CDC42BPA: variants seen among roughly 807,000 people sequenced by gnomAD.
The protein encoded by CDC42BPA is CDC42 binding protein kinase alpha.
CDC42BPA carries 80 observed loss-of-function variants against 223.5 expected under a neutral mutation model. That is an observed-to-expected ratio of 0.36 (90% CI 0.30 to 0.43). The LOEUF (loss-of-function observed/expected upper bound fraction) is 0.43. Among genes scored for constraint, CDC42BPA ranks in the 20% least tolerant of loss-of-function variants. The pLI is 1.00. For missense variants in CDC42BPA, 1,743 were observed against 2,099.9 expected, an observed-to-expected ratio of 0.83 and a Z score of 3.32; for synonymous variants, 694 against 718.6, an observed-to-expected ratio of 0.97 and a Z score of 0.55.
intron 34 of CDC42BPA, among the ~76,000 whole-genome samples, chr1:227,006,916 GCGTGCACTCACTC>G (rs1239115983): frequency 4.6e-5 from 3 of 65,594 alleles, no homozygotes; most frequent in South Asian, 2.9e-4. Flanking sequence ...TCCGGCCTGG[GCGTGCACTCACTC>G]TGCAGAGTGA....
intron 23 of CDC42BPA, among the ~76,000 whole-genome samples, chr1:227,043,076 C>T (rs1671719161): frequency 1.3e-5 from 2 of 152,144 alleles, no homozygotes; most frequent in African/African-American, 4.8e-5. Context: ...GTATCTCACA[C>T]AACCCTTTCT....
At chr1:227,050,911 C>A (rs541074259) in intron 22 of CDC42BPA, among the ~76,000 whole-genome samples, 133 of 152,074 alleles carry the variant, frequency 8.7e-4, no homozygotes, top group Non-Finnish European at 1.4e-3. Flanking sequence ...GCAAAATTTT[C>A]GTATCTGTTT....
At chr1:227,075,276 G>A (rs1679224443) in intron 17 of CDC42BPA, among the ~76,000 whole-genome samples, 1 of 152,180 alleles carries the variant, frequency 6.6e-6, no homozygotes, top group South Asian at 2.1e-4. Context: ...CCAGGTCACT[G>A]AAGCTATGAG....
In CDC42BPA at chr1:227,017,009, G is replaced by A. The variant is rs776653752; in HGVS notation, c.4657C>T (p.Arg1553Trp). The change falls in exon 33 of 37, where the codon CGG (arginine) becomes TGG (tryptophan). Residue 1553 changes from arginine (R) to tryptophan (W), a missense_variant. Arg to Trp is a moderately radical substitution (Grantham distance 101). Around this residue, in one of 6 missense-constraint regions of CDC42BPA, gnomAD observed 44 missense variants for 81.0 expected, o/e 0.54. Coordinates refer to ENST00000366766, the MANE Select transcript of CDC42BPA (RefSeq NM_001394014.1). ...LVVPETSDNS[R>W]KQMVRNINNK... ...TTAATGTTTCTAACCATTTGTTTCC[G>A]ACTATTATCTGATGTTTCAGGTACT... 4 of 1,613,070 alleles carry A rather than the reference G, an allele frequency of 2.5e-6. No homozygotes were observed. The highest frequency in any genetic ancestry group is 3.4e-6 in the Non-Finnish European group (4 of 1,179,432).
In CDC42BPA at chr1:227,267,709, C is replaced by T. The variant is rs531846395; in HGVS notation, c.179-13554G>A. Among the ~76,000 whole-genome samples the T allele has an allele frequency of 3.3e-5, 5 of 152,296 alleles. No individual in the cohort carries two copies. The East Asian group carries it at 7.7e-4, about 23-fold the overall frequency. On this transcript the variant is annotated intron_variant, in intron 1 of 36. Transcript: ENST00000366766. ...CAGAAGGTGAAAAGGGAAGCAAGCA[C>T]CTTCTTCACAAGGCAGCAGGAGAGC...
intron 5 of CDC42BPA, among the ~76,000 whole-genome samples, chr1:227,175,440 T>C (rs1023440639): frequency 4.0e-5 from 6 of 151,642 alleles, no homozygotes; most frequent in African/African-American, 1.5e-4. Flanking sequence ...TTTAAATATA[T>C]ATATATATAA....
At chr1:227,101,292 TA>T (rs1429656422) in intron 14 of CDC42BPA, 53 bp from the exon 15 acceptor site, 1 of 1,107,994 alleles carries the variant, frequency 9.0e-7, no homozygotes, top group Non-Finnish European at 1.3e-6. Flanking sequence ...ATAAAATATT[TA>T]AATAACTTCT....
intron 17 of CDC42BPA, among the ~76,000 whole-genome samples, chr1:227,075,334 A>T (rs921447933): frequency 2.6e-5 from 4 of 152,228 alleles, no homozygotes. Context: ...CATACAGCAG[A>T]CATGTTTAAC....
At chr1:227,233,286 C>G (rs1037759110) in intron 2 of CDC42BPA, among the ~76,000 whole-genome samples, 2 of 152,156 alleles carry the variant, frequency 1.3e-5, no homozygotes, top group Non-Finnish European at 2.9e-5. Flanking sequence ...ATCCGCCCAC[C>G]TTGGCCTCCC....
In CDC42BPA at chr1:227,165,461, T is replaced by C. The variant is rs191950635; in HGVS notation, c.600-4825A>G. On this transcript the variant is annotated intron_variant, in intron 5 of 36. Transcript: ENST00000366766. ...ACATAAAAGGAAATTTTAAGAGTAC[T>C]GACAAACAACTGAAAACAAATTTGA... 1.3e-3 allele frequency among the ~76,000 whole-genome samples: 193 copies of C among 144,598 alleles called. 2 individuals carry two copies. The highest frequency in any genetic ancestry group is 1.5e-3 in the Non-Finnish European group (100 of 65,306). 94.9% of individuals were successfully genotyped at this position (144,598 alleles called of 152,430 possible).
chr1:227,127,492 T>C (rs1464341374), intron 11 of CDC42BPA, among the ~76,000 whole-genome samples: 1 of 152,212 alleles, frequency 6.6e-6, no homozygotes, highest in Non-Finnish European at 1.5e-5. Flanking sequence ...GATATGCTTA[T>C]GAATAAGTTT....
intron 5 of CDC42BPA, among the ~76,000 whole-genome samples, chr1:227,161,569 A>G (rs1284021556): frequency 4.1e-4 from 63 of 152,338 alleles, no homozygotes; most frequent in Admixed American, 4.1e-3. Context: ...AAATATTATA[A>G]CAGTATTACT....
chr1:227,146,881 T>C (rs1226300269), intron 7 of CDC42BPA, among the ~76,000 whole-genome samples: 2 of 152,188 alleles, frequency 1.3e-5, no homozygotes, highest in African/African-American at 4.8e-5. Context: ...GTTACACCAA[T>C]TTATATTCCT....
rs1427046014 is a variant in CDC42BPA, at chr1:227,145,536, T to C, written c.1096A>G (p.Thr366Ala). ...APYIPEVSSPTDTSNFDVDDD... is the reference protein window; with the variant it reads ...APYIPEVSSPADTSNFDVDDD... ...TCTACATCAAAATTCGATGTATCTGTTGGGCTACTAACTTCTGGAATATAA... is the reference window on the plus strand; with the variant it reads ...TCTACATCAAAATTCGATGTATCTGCTGGGCTACTAACTTCTGGAATATAA... Residue 366 changes from threonine to alanine, a missense_variant, in exon 8 of 37, where the codon ACA becomes GCA. By Grantham distance (58) the Thr-to-Ala change is moderately conservative. Around this residue, in one of 6 missense-constraint regions of CDC42BPA, gnomAD observed 321 missense variants for 488.7 expected, o/e 0.66. Transcript: ENST00000366766. The C allele has an allele frequency of 1.9e-6, 3 of 1,613,582 alleles. No homozygotes were observed. The highest frequency in any genetic ancestry group is 2.2e-5 in the South Asian group (2 of 91,044).
At chr1:227,217,328 T>TCC (rs1292958596) in intron 2 of CDC42BPA, among the ~76,000 whole-genome samples, 45 of 151,912 alleles carry the variant, frequency 3.0e-4, no homozygotes, top group Admixed American at 4.6e-4. Context: ...GCGCCTGTAG[T>TCC]CCCAGCTACT....
At position 227,160,618 on chromosome 1, in the gene CDC42BPA, A is replaced by G. The variant is rs768518695; in HGVS notation, c.618T>C (p.Asn206=). The G allele has an allele frequency of 1.6e-5, 26 of 1,597,496 alleles. No individual in the cohort carries two copies. The Middle Eastern group carries it at 5.0e-4, about 30-fold the overall frequency. ...HYVHRDIKPD[N]ILMDMNGHIR... ...TATGTCCATTCATATCCATCAGTATATTGTCAGGTTTAATGTCTCTGAAAA... is the reference window on the plus strand; with the variant it reads ...TATGTCCATTCATATCCATCAGTATGTTGTCAGGTTTAATGTCTCTGAAAA... Residue 206 remains asparagine, a synonymous_variant, in exon 6 of 37, where the codon AAT becomes AAC. Coordinates refer to ENST00000366766, the MANE Select transcript of CDC42BPA (RefSeq NM_001394014.1).
Position 227,304,866 on chromosome 1 carries a change from CTT to C in CDC42BPA, c.178+12137_178+12138del, listed in dbSNP as rs1429788279. ...CTTGACTATGGTAGTGGTCACATGACTTTACATTTGTTAAAACTCACAATATA... is the reference window on the plus strand; with the variant it reads ...CTTGACTATGGTAGTGGTCACATGACTACATTTGTTAAAACTCACAATATA... On this transcript the variant is annotated intron_variant, in intron 1 of 36. Coordinates refer to ENST00000366766, the MANE Select transcript of CDC42BPA (RefSeq NM_001394014.1). Among the ~76,000 whole-genome samples the C allele has an allele frequency of 3.9e-5, 6 of 152,124 alleles. No individual in the cohort carries two copies. The East Asian group carries it at 1.2e-3, about 29-fold the overall frequency.
rs902695141 is a variant in CDC42BPA, at chr1:227,080,122, A to AT, written c.2480+770dup. ...AGTTTCACGTTTTGAAGCATTTCAG[A>AT]TTTCAGATTTTCAGATTAGGAATGC... On this transcript the variant is annotated intron_variant, in intron 17 of 36. Transcript: ENST00000366766. Among the ~76,000 whole-genome samples the AT allele has an allele frequency of 1.3e-3, 191 of 152,216 alleles. 2 individuals are homozygous for AT. The highest frequency in any genetic ancestry group is 4.2e-3 in the African/African-American group (176 of 41,566).
chr1:226,996,519 A>G (rs1661641774), intron 35 of CDC42BPA, among the ~76,000 whole-genome samples: 1 of 151,814 alleles, frequency 6.6e-6, no homozygotes. Context: ...AGGAGTGGTG[A>G]GAGAGGGCAT....
Sources: allele counts gnomAD v4.1 joint callset (sites outside exome capture counted in the v4.1 genomes callset), GRCh38; gene constraint gnomAD v4.1.1; regional missense constraint gnomAD v4.1.1; transcripts MANE v1.5; gene names NCBI Gene and HGNC (gene_info 2026-07-23, HGNC 2026-07-21).